Variants in PDE1A observed in about 807,000 individuals in gnomAD.
The protein encoded by PDE1A is dual specificity calcium/calmodulin-dependent 3',5'-cyclic nucleotide phosphodiesterase 1A.
PDE1A carries 35 observed loss-of-function variants against 61.7 expected under a neutral mutation model. The ratio of observed to expected loss-of-function variants is 0.57; its 90% CI spans 0.43 to 0.75. The LOEUF is 0.75. Ranked by LOEUF, PDE1A falls within the 30% of genes least tolerant of loss-of-function variation. The pLI is 0.00. For missense variants in PDE1A, 597 were observed against 630.6 expected (o/e 0.95, Z 0.57); for synonymous variants, 232 against 213.2 (o/e 1.09, Z -0.77).
intron 6 of PDE1A, among the ~76,000 whole-genome samples, chr2:182,226,284 C>T (rs1356763120): frequency 1.3e-5 from 2 of 149,434 alleles, no homozygotes; most frequent in Non-Finnish European, 2.9e-5. Flanking sequence ...TAAATATTTA[C>T]AATTATTATC....
rs201344985 is a variant in PDE1A, at chr2:182,158,414, CTTG to C, written c.1517-11265_1517-11263del. Reference sequence around the variant, plus strand: ...ATTACATCAAAACTATTCTCTTACTCTTGTTGTACTGCCTTTATTTGATGAAGT... The same window carrying C: ...ATTACATCAAAACTATTCTCTTACTCTTGTACTGCCTTTATTTGATGAAGT... On this transcript the variant is annotated intron_variant, in intron 13 of 13. Coordinates refer to the PDE1A transcript ENST00000409365. 8.0e-3 allele frequency among the ~76,000 whole-genome samples: 1,217 copies of C among 152,216 alleles called. 6 individuals are homozygous for C. Among genetic ancestry groups the C allele is most frequent in the Middle Eastern group, 0.01 (3 of 294 alleles).
chr2:182,636,731 T>C, the PDE1A span, among the ~76,000 whole-genome samples: 1 of 152,218 alleles, frequency 6.6e-6, no homozygotes, highest in African/African-American at 2.4e-5. Flanking sequence ...GGTCAGACCC[T>C]GCTTAGAGTC....
At chr2:182,293,029 T>A (rs1160916515) in intron 1 of PDE1A, among the ~76,000 whole-genome samples, 1 of 152,112 alleles carries the variant, frequency 6.6e-6, no homozygotes, top group Non-Finnish European at 1.5e-5. Context: ...ACATCTTGAG[T>A]GTACAGTTCA....
exon 8 of PDE1A, chr2:182,205,945 G>A (rs778301312): frequency 3.3e-5 from 53 of 1,606,372 alleles, no homozygotes; most frequent in Non-Finnish European, 4.4e-5. Context: ...CTCACCTCCA[G>A]TCATCTTTGG....
In PDE1A at chr2:182,223,939, A is replaced by C; in HGVS notation, c.701T>G (p.Leu234Ter). The C allele has an allele frequency of 6.2e-7, 1 of 1,605,672 alleles. No individual in the cohort carries two copies. Among genetic ancestry groups the C allele is most frequent in the East Asian group, 2.3e-5 (1 of 44,224 alleles). ...AATGGCAGCAGCAAAGACCATTGCT[A>C]AAATTTCCAGTTCAGTGAGCCAGTG... Residue 234 changes from leucine (L) to a stop codon, truncating the protein, a stop_gained, in exon 7 of 14, where the codon TTA becomes TGA. Transcript: ENST00000351439. LOFTEE classifies it high-confidence loss of function.
intron 1 of PDE1A, among the ~76,000 whole-genome samples, chr2:182,308,287 G>A (rs999290983): frequency 1.3e-5 from 2 of 152,100 alleles, no homozygotes; most frequent in Admixed American, 6.6e-5. Context: ...AATCAATTAT[G>A]TAAGCAATAT....
chr2:182,400,736 T>G (rs1302799757), intron 1 of PDE1A, among the ~76,000 whole-genome samples: 1 of 152,146 alleles, frequency 6.6e-6, no homozygotes, highest in Non-Finnish European at 1.5e-5. Context: ...GGGAAAAATA[T>G]TAGGAAATCA....
At chr2:182,711,323 G>A in the PDE1A span, among the ~76,000 whole-genome samples, 12 of 152,254 alleles carry the variant, frequency 7.9e-5, no homozygotes, top group African/African-American at 2.9e-4. Flanking sequence ...GTGATAACGA[G>A]AACCAGTTTC....
intron 2 of PDE1A, among the ~76,000 whole-genome samples, chr2:182,477,458 G>A (rs1371223781): frequency 6.6e-6 from 1 of 151,972 alleles, no homozygotes; most frequent in South Asian, 2.1e-4. Flanking sequence ...GCTCAGAAAG[G>A]TCAAGGAAAG....
At chr2:182,602,178 G>A in the PDE1A span, among the ~76,000 whole-genome samples, 1 of 152,240 alleles carries the variant, frequency 6.6e-6, no homozygotes, top group Non-Finnish European at 1.5e-5. Context: ...AGGCAGGGGG[G>A]CCTTCCCGGG....
chr2:182,256,038 C>CTTTTTTTTTTTTTTTTTT (rs755211798), intron 2 of PDE1A, among the ~76,000 whole-genome samples: 2 of 92,336 alleles, frequency 2.2e-5, no homozygotes, highest in Non-Finnish European at 4.2e-5. Context: ...AGGATGACTT[C>CTTTTTTTTTTTTTTTTTT]TTTTTTTTTT....
intron 1 of PDE1A, among the ~76,000 whole-genome samples, chr2:182,335,743 C>T (rs190272472): frequency 1.8e-4 from 28 of 152,206 alleles, no homozygotes; most frequent in South Asian, 1.2e-3. Context: ...AAAGCAATGG[C>T]GACAAAAGCC....
intron 2 of PDE1A, among the ~76,000 whole-genome samples, chr2:182,459,040 C>T (rs1024240514): frequency 2.0e-5 from 3 of 152,080 alleles, no homozygotes; most frequent in African/African-American, 7.2e-5. Flanking sequence ...CAATAGCAAT[C>T]TGTTGCCATA....
the PDE1A span, among the ~76,000 whole-genome samples, chr2:182,711,768 A>T: frequency 1.3e-5 from 2 of 152,190 alleles, no homozygotes; most frequent in Non-Finnish European, 2.9e-5. Flanking sequence ...AAGAATTCCC[A>T]CTGGTCCAAT....
intron 1 of PDE1A, among the ~76,000 whole-genome samples, chr2:182,395,728 G>A (rs765937068): frequency 6.6e-6 from 1 of 152,170 alleles, no homozygotes; most frequent in African/African-American, 2.4e-5. Flanking sequence ...AGGTGTCAGT[G>A]GCAGATAGGG....
chr2:182,196,622 A>G (rs1686152447), intron 10 of PDE1A, among the ~76,000 whole-genome samples: 1 of 151,882 alleles, frequency 6.6e-6, no homozygotes, highest in Non-Finnish European at 1.5e-5. Flanking sequence ...ACCTCGTCCA[A>G]GGAATCCTAA....
intron 10 of PDE1A, 22 bp downstream of exon 10, chr2:182,201,417 G>T (rs1460097695): frequency 6.2e-7 from 1 of 1,612,700 alleles, no homozygotes; most frequent in South Asian, 1.1e-5. Context: ...AAAAACATTT[G>T]CACAGAGTGT....
intron 2 of PDE1A, among the ~76,000 whole-genome samples, chr2:182,513,148 T>A (rs981042231): frequency 6.6e-6 from 1 of 152,030 alleles, no homozygotes; most frequent in Non-Finnish European, 1.5e-5. Flanking sequence ...CACATGGGCA[T>A]CAGATTCTCA....
At chr2:182,217,886 A>T (rs987545925) in intron 7 of PDE1A, among the ~76,000 whole-genome samples, 3 of 152,056 alleles carry the variant, frequency 2.0e-5, no homozygotes, top group Non-Finnish European at 4.4e-5. Context: ...CTAGAACTGG[A>T]AATACCATTC....
Sources: allele counts gnomAD v4.1 joint callset (sites outside exome capture counted in the v4.1 genomes callset), GRCh38; gene constraint gnomAD v4.1.1; transcripts MANE v1.5; gene names NCBI Gene and HGNC (gene_info 2026-07-23, HGNC 2026-07-21).